Variants in SLC18A2 observed in about 807,000 individuals in gnomAD.
The protein encoded by SLC18A2 is solute carrier family 18 member A2, also known as synaptic vesicular amine transporter.
Under a neutral mutation model 59.2 loss-of-function variants are expected in SLC18A2, and 33 were observed. The ratio of observed to expected loss-of-function variants is 0.56; its 90% CI spans 0.42 to 0.75. The LOEUF (loss-of-function observed/expected upper bound fraction) is 0.75. Ranked by LOEUF, SLC18A2 falls within the 30% of genes least tolerant of loss-of-function variation. The pLI is 0.00. For missense variants in SLC18A2, 569 were observed against 668.6 expected, an observed-to-expected ratio of 0.85 and a Z score of 1.64; for synonymous variants, 228 against 253.5, an observed-to-expected ratio of 0.90 and a Z score of 0.95.
At chr10:117,263,151 A>G (rs1310766639) in intron 10 of SLC18A2, among the ~76,000 whole-genome samples, 1 of 152,124 alleles carries the variant, frequency 6.6e-6, no homozygotes, top group Non-Finnish European at 1.5e-5. Flanking sequence ...AGGTTTCTCT[A>G]CCTGCCTCCT....
intron 1 of SLC18A2, 55 bp from the exon 2 acceptor site, chr10:117,241,624 G>GGA (rs1844054388): frequency 6.7e-7 from 1 of 1,483,684 alleles, no homozygotes; most frequent in African/African-American, 1.5e-5. Flanking sequence ...CTGGGGGACG[G>GGA]GAGAATGGGG....
Position 117,244,264 on chromosome 10 carries a change from G to A in SLC18A2, c.415G>A (p.Ala139Thr), listed in dbSNP as rs1416493869. ...AGTTGGTCTGTTGTTTGCCTCGAAA[G>A]CCACCGTCCAGCTCATCACCAACCC... ...VQVGLLFASK[A>T]TVQLITNPFI... Residue 139 changes from alanine (A) to threonine (T), a missense_variant, in exon 3 of 16, where the codon GCC (alanine) becomes ACC (threonine). Transcript: ENST00000644641. 4 of 1,614,076 alleles carry A rather than the reference G, an allele frequency of 2.5e-6. No individual in the cohort carries two copies. The highest frequency in any genetic ancestry group is 4.5e-5 in the East Asian group (2 of 44,904).
At chr10:117,259,804 C>T (rs771744526) in intron 10 of SLC18A2, among the ~76,000 whole-genome samples, 40 of 152,158 alleles carry the variant, frequency 2.6e-4, no homozygotes, top group Non-Finnish European at 5.1e-4. Flanking sequence ...TTGCAGTGGG[C>T]TCTGTTTTCC....
chr10:117,265,184 T>C (rs73389875), intron 10 of SLC18A2, among the ~76,000 whole-genome samples: 8,561 of 152,296 alleles, frequency 0.056, 824 homozygotes, highest in African/African-American at 0.19. Context: ...TTCCCAGAAC[T>C]CCCATGTCTA....
At position 117,266,924 on chromosome 10, in the gene SLC18A2, A is replaced by G. The variant is rs1589984163; in HGVS notation, c.1071-60A>G. 17 of 1,585,306 alleles carry G rather than the reference A, an allele frequency of 1.1e-5. No individual in the cohort carries two copies. In the East Asian group the frequency reaches 3.1e-4, roughly 29 times the overall value. On this transcript the variant is annotated intron_variant, in intron 11 of 15. Transcript: ENST00000644641. ...AAGTAATTGTTTTGATTTTCATTGA[A>G]AATTTGGACTAGAAAAAAATCAAAT...
chr10:117,254,482 G>GC lies in SLC18A2; in HGVS notation c.687dup (p.Met230HisfsTer15). On this transcript the variant is annotated frameshift_variant, in exon 6 of 16. Transcript: ENST00000644641. LOFTEE classifies it high-confidence loss of function. The stretch of plus-strand genomic sequence containing the variant: ...CATGGGAATCGCCTTGGGAGGCCTG[G>GC]CCATGGGGGTCTTAGGTGGGTAAGG... 1 of 1,607,838 alleles carries GC rather than the reference G, an allele frequency of 6.2e-7. No individual in the cohort carries two copies. The highest frequency in any genetic ancestry group is 8.5e-7 in the Non-Finnish European group (1 of 1,176,622).
At chr10:117,265,204 G>A (rs1171571935) in intron 10 of SLC18A2, among the ~76,000 whole-genome samples, 1 of 152,192 alleles carries the variant, frequency 6.6e-6, no homozygotes. Flanking sequence ...AGAATGATCT[G>A]GTTTTGGATT....
intron 10 of SLC18A2, among the ~76,000 whole-genome samples, chr10:117,264,782 A>G (rs1387512764): frequency 6.6e-6 from 1 of 152,174 alleles, no homozygotes; most frequent in Non-Finnish European, 1.5e-5. Context: ...TTGTCATGAT[A>G]TCTTACTATC....
chr10:117,261,812 G>A (rs1407141723), intron 10 of SLC18A2, among the ~76,000 whole-genome samples: 1 of 152,226 alleles, frequency 6.6e-6, no homozygotes, highest in African/African-American at 2.4e-5. Context: ...AGGTTTCTTT[G>A]TGGGATGGTG....
intron 15 of SLC18A2, among the ~76,000 whole-genome samples, chr10:117,271,480 C>T (rs1844425310): frequency 6.6e-6 from 1 of 152,202 alleles, no homozygotes; most frequent in South Asian, 2.1e-4. Context: ...GTGTTTTTTA[C>T]ATTCATTAAT....
rs746354374 is a variant in SLC18A2 at position 117,269,471 on chromosome 10, G to A, written c.1187-600G>A. On this transcript the variant is annotated intron_variant, in intron 13 of 15. Transcript: ENST00000644641. The surrounding 1 kb of genome is among the most constrained non-coding windows in gnomAD (Gnocchi z 5.1). Reference sequence around the variant, plus strand: ...CAACCACGACCAGCATTAGAATCTCGTCTCTTGAATAGTGGGGAGCAGGTA... The same window carrying A: ...CAACCACGACCAGCATTAGAATCTCATCTCTTGAATAGTGGGGAGCAGGTA... Among the ~76,000 whole-genome samples, 21 of 152,124 alleles carry A rather than the reference G, an allele frequency of 1.4e-4. No homozygotes were observed. Among genetic ancestry groups the A allele is most frequent in the Non-Finnish European group, 7.4e-5 (5 of 68,020 alleles).
Position 117,244,212 on chromosome 10 carries a change from C to A in SLC18A2, c.363C>A (p.Asp121Glu). The change falls in exon 3 of 16, where the codon GAC becomes GAA. Residue 121 changes from aspartate to glutamate, a missense_variant. By Grantham distance (45) the Asp-to-Glu change is conservative. Around this residue, in one of 2 missense-constraint regions of SLC18A2, gnomAD observed 377 missense variants for 389.8 expected, o/e 0.97. Coordinates refer to ENST00000644641, the MANE Select transcript of SLC18A2 (RefSeq NM_003054.6). ...SAVPSDCPSE[D>E]KDLLNENVQV... ...TTCCTTCCGACTGTCCCAGTGAAGA[C>A]AAAGACCTCCTGAATGAAAACGTGC... 6.2e-7 allele frequency: 1 copy of A among 1,614,232 alleles called. No individual in the cohort carries two copies. Among genetic ancestry groups the A allele is most frequent in the Non-Finnish European group, 8.5e-7 (1 of 1,180,050 alleles).
At chr10:117,249,387 T>A (rs192702090) in intron 3 of SLC18A2, among the ~76,000 whole-genome samples, 2 of 152,374 alleles carry the variant, frequency 1.3e-5, no homozygotes, top group Admixed American at 1.3e-4. Flanking sequence ...AAGCAGAACC[T>A]AAGAATTTTG....
intron 2 of SLC18A2, 68 bp downstream of exon 2, chr10:117,241,882 T>C (rs1290972226): frequency 1.5e-5 from 22 of 1,460,516 alleles, no homozygotes; most frequent in Non-Finnish European, 2.0e-5. Flanking sequence ...GCACTCCACT[T>C]ACCCCTGCGC....
intron 10 of SLC18A2, among the ~76,000 whole-genome samples, chr10:117,266,225 A>G (rs363261): frequency 0.022 from 3,354 of 152,030 alleles, 110 homozygotes; most frequent in African/African-American, 0.074. Flanking sequence ...TTTTTTGTAA[A>G]TCAAAACACA....
intron 3 of SLC18A2, among the ~76,000 whole-genome samples, chr10:117,248,904 T>A (rs1238879787): frequency 6.6e-6 from 1 of 152,216 alleles, no homozygotes; most frequent in African/African-American, 2.4e-5. Context: ...GTCTCAGTGA[T>A]CTGCTTTTTA....
At chr10:117,251,055 G>A (rs1226053408) in intron 3 of SLC18A2, among the ~76,000 whole-genome samples, 6 of 152,202 alleles carry the variant, frequency 3.9e-5, no homozygotes, top group Non-Finnish European at 1.5e-5. Flanking sequence ...TGTCCCTGCA[G>A]CCTGAAGGGT....
intron 7 of SLC18A2, 46 bp downstream of exon 7, chr10:117,255,412 C>A (rs115595330): frequency 1.9e-6 from 3 of 1,613,780 alleles, no homozygotes; most frequent in African/African-American, 1.3e-5. Flanking sequence ...TGGCATCGTG[C>A]TGGCACGCGC....
chr10:117,255,705 C>T lies in SLC18A2; in HGVS notation c.895+48C>T, dbSNP rs373538368. ...AGTCAGGGGAATGCGAGGTGATGGCCGCGTGCTGGAGGCAGGGGTGGATGG... is the reference window on the plus strand; with the variant it reads ...AGTCAGGGGAATGCGAGGTGATGGCTGCGTGCTGGAGGCAGGGGTGGATGG... On this transcript the variant is annotated intron_variant, in intron 9 of 15. Coordinates refer to ENST00000644641, the MANE Select transcript of SLC18A2 (RefSeq NM_003054.6). 176 of 1,569,432 alleles carry T rather than the reference C, an allele frequency of 1.1e-4. 1 individual carries two copies. The Middle Eastern group carries it at 3.2e-3, about 28-fold the overall frequency.
Sources: gnomAD v4.1 joint callset for allele counts (sites outside exome capture counted in the v4.1 genomes callset) on GRCh38, gnomAD v4.1.1 for gene constraint, gnomAD v4.1.1 regional missense constraint, Gnocchi (gnomAD v3.1) non-coding constraint, MANE v1.5 for transcripts, NCBI Gene and HGNC (gene_info 2026-07-23, HGNC 2026-07-21) for gene names.